SIMC1: variants seen among roughly 807,000 people sequenced by gnomAD.
The protein encoded by SIMC1 is SUMO-interacting motif-containing protein 1.
A neutral mutation model predicts 82.3 loss-of-function variants in SIMC1; 55 were observed. The observed-to-expected ratio is 0.67, with a 90% CI of 0.54 to 0.84. SIMC1 has a LOEUF of 0.84. SIMC1 is among the 40% of genes least tolerant of loss of function. SIMC1 has a pLI of 0.00. For missense variants in SIMC1, 915 were observed against 1,107.2 expected (o/e 0.83, Z 2.46); for synonymous variants, 353 against 426.3 (o/e 0.83, Z 2.12).
rs757533653 is a variant in SIMC1, at chr5:176,345,413, G to T, written c.2644G>T (p.Glu882Ter). 2.1e-5 allele frequency: 34 copies of T among 1,613,880 alleles called. No individual in the cohort carries two copies. The highest frequency in any genetic ancestry group is 2.8e-5 in the Non-Finnish European group (33 of 1,179,856). Residue 882 changes from glutamate to a stop codon, truncating the protein, a stop_gained, in exon 10 of 10, where the codon GAG (glutamate) becomes TAG (stop). Transcript: ENST00000429602. LOFTEE classifies it high-confidence loss of function. ...FYAADLNPDA[E>*]PFQKGWSGS ...TGCTGCGGACTTGAACCCTGATGCA[G>T]AGCCCTTTCAAAAGGGCTGGAGCGG...
chr5:176,285,373 C>T (rs1381144222), intron 1 of SIMC1, among the ~76,000 whole-genome samples: 1 of 152,086 alleles, frequency 6.6e-6, no homozygotes, highest in East Asian at 1.9e-4. Context: ...ATAAACAGAA[C>T]CAAAGACAAA....
intron 1 of SIMC1, among the ~76,000 whole-genome samples, chr5:176,268,739 G>T (rs2560178): frequency 6.6e-6 from 1 of 151,990 alleles, no homozygotes; most frequent in East Asian, 1.9e-4. Context: ...GACACTTTTC[G>T]CTCTGTAGTT....
intron 1 of SIMC1, among the ~76,000 whole-genome samples, chr5:176,263,245 C>A (rs572833074): frequency 3.3e-4 from 50 of 152,308 alleles, no homozygotes; most frequent in Admixed American, 6.5e-4. Context: ...CAATCCCAAT[C>A]GAAATCCCAG....
chr5:176,287,466 A>G (rs988593959), intron 1 of SIMC1, among the ~76,000 whole-genome samples: 3 of 151,988 alleles, frequency 2.0e-5, no homozygotes, highest in Non-Finnish European at 4.4e-5. Flanking sequence ...ACATCAACAC[A>G]CCGGGGCCTG....
At chr5:176,244,698 T>C (rs1196495778) in intron 1 of SIMC1, among the ~76,000 whole-genome samples, 2 of 150,904 alleles carry the variant, frequency 1.3e-5, no homozygotes, top group Non-Finnish European at 3.0e-5. Flanking sequence ...TGCAGTGTTA[T>C]AATGTTTCTT....
chr5:176,328,250 T>C (rs998691827), intron 7 of SIMC1, among the ~76,000 whole-genome samples: 2 of 152,098 alleles, frequency 1.3e-5, no homozygotes, highest in Non-Finnish European at 2.9e-5. Flanking sequence ...TGCAAAATAA[T>C]ATTATATTAA....
chr5:176,259,251 G>C (rs1761940303), intron 1 of SIMC1, among the ~76,000 whole-genome samples: 1 of 152,178 alleles, frequency 6.6e-6, no homozygotes, highest in African/African-American at 2.4e-5. Context: ...CAGATCACTT[G>C]AGTTGGGAGT....
At chr5:176,339,128 C>T (rs1049510972) in intron 9 of SIMC1, among the ~76,000 whole-genome samples, 9 of 152,108 alleles carry the variant, frequency 5.9e-5, no homozygotes, top group Non-Finnish European at 1.2e-4. Context: ...CTTTGGGAGG[C>T]CGAGGCGGGC....
intron 7 of SIMC1, among the ~76,000 whole-genome samples, chr5:176,325,625 G>A (rs1435341220): frequency 1.3e-5 from 2 of 152,158 alleles, no homozygotes; most frequent in South Asian, 2.1e-4. Flanking sequence ...GGCGGAGCTT[G>A]CAGTGAGCTG....
intron 1 of SIMC1, among the ~76,000 whole-genome samples, chr5:176,274,623 G>T (rs946174014): frequency 6.6e-6 from 1 of 151,806 alleles, no homozygotes; most frequent in Non-Finnish European, 1.5e-5. Flanking sequence ...TTCTTCTAGG[G>T]TTTTTATGGT....
Position 176,345,267 on chromosome 5 carries a change from C to T in SIMC1, c.2498C>T (p.Thr833Ile), listed in dbSNP as rs1766399829. ...AAACCCCAGCAAGGAGATGACATCACAGTGGTAGACGTAGAGAAGCAGATT... is the reference window on the plus strand; with the variant it reads ...AAACCCCAGCAAGGAGATGACATCATAGTGGTAGACGTAGAGAAGCAGATT... ...KPKPQQGDDITVVDVEKQIEA... is the reference protein window; with the variant it reads ...KPKPQQGDDIIVVDVEKQIEA... Residue 833 changes from threonine (T) to isoleucine (I), a missense_variant, in exon 10 of 10, where the codon ACA (threonine) becomes ATA (isoleucine). Thr to Ile is a moderately conservative substitution (Grantham distance 89, BLOSUM62 -1). Transcript: ENST00000429602. 1.2e-6 allele frequency: 2 copies of T among 1,613,900 alleles called. No individual in the cohort carries two copies. The highest frequency in any genetic ancestry group is 1.3e-5 in the African/African-American group (1 of 74,914).
chr5:176,275,851 A>T (rs1409506651), intron 1 of SIMC1, among the ~76,000 whole-genome samples: 1 of 151,500 alleles, frequency 6.6e-6, no homozygotes, highest in African/African-American at 2.4e-5. Flanking sequence ...AAGCTTTTTG[A>T]TGTGCTGCTG....
At chr5:176,301,102 A>G (rs1764021762) in intron 4 of SIMC1, among the ~76,000 whole-genome samples, 1 of 152,176 alleles carries the variant, frequency 6.6e-6, no homozygotes, top group African/African-American at 2.4e-5. Flanking sequence ...GGCCAGCATT[A>G]CCCTGTGATA....
intron 6 of SIMC1, among the ~76,000 whole-genome samples, 187 bp from the exon 7 acceptor site, chr5:176,324,442 G>A (rs1337232286): frequency 6.6e-6 from 1 of 152,104 alleles, no homozygotes; most frequent in Non-Finnish European, 1.5e-5. Context: ...AAGGGATTCA[G>A]GTAGGTGAAA....
At chr5:176,344,500 C>T (rs1399854118) in intron 9 of SIMC1, among the ~76,000 whole-genome samples, 1 of 140,116 alleles carries the variant, frequency 7.1e-6, no homozygotes, top group Non-Finnish European at 1.6e-5. Context: ...CACACACACA[C>T]ACACACCTGA....
chr5:176,291,317 C>A (rs1167117506), intron 2 of SIMC1, among the ~76,000 whole-genome samples: 2 of 149,946 alleles, frequency 1.3e-5, no homozygotes, highest in Non-Finnish European at 3.0e-5. Flanking sequence ...GCGCATGCCG[C>A]CATGCCCGGC....
chr5:176,334,809 C>T (rs977554810), intron 7 of SIMC1, among the ~76,000 whole-genome samples: 5 of 152,092 alleles, frequency 3.3e-5, no homozygotes, highest in Non-Finnish European at 5.9e-5. Context: ...GAATCACAGT[C>T]CTGCAGGGCA....
chr5:176,246,509 G>C (rs1761452400), intron 1 of SIMC1, among the ~76,000 whole-genome samples: 1 of 147,816 alleles, frequency 6.8e-6, no homozygotes, highest in Non-Finnish European at 1.5e-5. Context: ...AGTGATCTTG[G>C]CTCACTGCAA....
Position 176,305,136 on chromosome 5 carries a change from A to AGG in SIMC1, c.1735-8545_1735-8544dup, listed in dbSNP as rs571678400. 5.8e-4 allele frequency among the ~76,000 whole-genome samples: 19 copies of AGG among 32,682 alleles called. 1 individual carries two copies. The highest frequency in any genetic ancestry group is 1.2e-3 in the African/African-American group (10 of 8,622). 21.4% of individuals were successfully genotyped at this position (32,682 alleles called of 152,430 possible). ...CGCCCGGCCAGCCGTGCCATCCAGGAGGGGGGGGGGGTCAGCCCCCCGCCT... is the reference window on the plus strand; with the variant it reads ...CGCCCGGCCAGCCGTGCCATCCAGGAGGGGGGGGGGGGGTCAGCCCCCCGCCT... On this transcript the variant is annotated intron_variant, in intron 4 of 9. Coordinates refer to ENST00000429602, the MANE Select transcript of SIMC1 (RefSeq NM_001308195.2).
Sources: gnomAD v4.1 joint callset for allele counts (sites outside exome capture counted in the v4.1 genomes callset) on GRCh38, gnomAD v4.1.1 for gene constraint, MANE v1.5 for transcripts, NCBI Gene and HGNC (gene_info 2026-07-23, HGNC 2026-07-21) for gene names.